The following WDR4 variants were observed in gnomAD, a reference collection of about 807,000 sequenced individuals.
The protein encoded by WDR4 is WDR4 tRNA N7-guanosine methyltransferase non-catalytic subunit.
A neutral mutation model predicts 48.6 loss-of-function variants in WDR4; 47 were observed. That is an observed-to-expected ratio of 0.97 (90% CI 0.77 to 1.23). The LOEUF (loss-of-function observed/expected upper bound fraction) is 1.23, where lower values mean the gene tolerates loss of function less well. WDR4 is among the 50% of genes most tolerant of loss of function. The pLI is 0.00. For missense variants in WDR4, 606 were observed against 551.6 expected (o/e 1.10, Z -0.99); for synonymous variants, 268 against 230.0 (o/e 1.17, Z -1.49).
In WDR4 at chr21:42,863,524, A is replaced by C; in HGVS notation, c.369T>G (p.Ser123=). The C allele has an allele frequency of 6.2e-7, 1 of 1,613,970 alleles. No individual in the cohort carries two copies. Among genetic ancestry groups the C allele is most frequent in the South Asian group, 1.1e-5 (1 of 91,058 alleles). The change falls in exon 4 of 11, where the codon TCT becomes TCG. Residue 123 remains serine, a synonymous_variant. Transcript: ENST00000398208. ...GCACCGAAAAGGAGTAGACGTCTCC[A>C]GACTTGTCGGCCACCAAGACCTTCT... is the stretch of plus-strand genomic sequence containing the variant. The part of the protein sequence containing the change: ...SEEKVLVADK[S]GDVYSFSVLE...
upstream of WDR4, among the ~76,000 whole-genome samples, chr21:42,881,069 C>A (rs1193765719): frequency 6.6e-6 from 1 of 152,062 alleles, no homozygotes. Flanking sequence ...CCACGCCTGG[C>A]TAATTTTTTG....
intron 3 of WDR4, among the ~76,000 whole-genome samples, chr21:42,872,450 A>G (rs564459367): frequency 1.4e-4 from 22 of 151,962 alleles, no homozygotes; most frequent in African/African-American, 5.3e-4. Context: ...TCTCCAGCAA[A>G]AAATACAAAA....
chr21:42,882,489 G>C (rs2058615938), upstream of WDR4, among the ~76,000 whole-genome samples: 2 of 151,760 alleles, frequency 1.3e-5, no homozygotes, highest in African/African-American at 4.8e-5. Context: ...CTAGAACCCA[G>C]GAGGTGGAGG....
chr21:42,892,749 C>T, the WDR4 span, among the ~76,000 whole-genome samples: 1 of 152,340 alleles, frequency 6.6e-6, no homozygotes, highest in South Asian at 2.1e-4. Context: ...ATCGGCCTAA[C>T]TCTGGTATTA....
In WDR4 at chr21:42,862,519, A is replaced by C. The variant is rs1383928797; in HGVS notation, c.454-125T>G. ...AAGAGGATGAGGCCTTCGAGGACAG[A>C]CCAGCGTGGCTCCTCCCCTCCTCCC... On this transcript the variant is annotated intron_variant, in intron 4 of 10. Transcript: ENST00000398208. The surrounding 1 kb of genome is among the most constrained non-coding windows in gnomAD (Gnocchi z 4.3). 16 of 811,116 alleles carry C rather than the reference A, an allele frequency of 2.0e-5. No individual in the cohort carries two copies. The highest frequency in any genetic ancestry group is 3.1e-5 in the Non-Finnish European group (16 of 512,082). 50.2% of individuals were successfully genotyped at this position (811,116 alleles called of 1,614,324 possible).
rs749105000 is a variant in WDR4, at chr21:42,879,491, G to C, written c.5C>G (p.Ala2Gly). 6.2e-7 allele frequency: 1 copy of C among 1,613,114 alleles called. No homozygotes were observed. Among genetic ancestry groups the C allele is most frequent in the South Asian group, 1.1e-5 (1 of 91,032 alleles). The part of the protein sequence containing the change: M[A>G]GSVGLALCGQ... The stretch of plus-strand genomic sequence containing the variant: ...GCACAACGCCAGTCCCACAGAGCCC[G>C]CCATGTACCCGCCCGCCTCACCGCC... Residue 2 changes from alanine to glycine, a missense_variant, in exon 1 of 11, where the codon GCG becomes GGG. Ala to Gly is a moderately conservative substitution (Grantham distance 60). Coordinates refer to ENST00000398208, the MANE Select transcript of WDR4 (RefSeq NM_018669.6).
In WDR4 at chr21:42,862,497, A is replaced by T. The variant is rs2058142388; in HGVS notation, c.454-103T>A. 5.7e-6 allele frequency: 6 copies of T among 1,058,402 alleles called. No homozygotes were observed. In the Admixed American group the frequency reaches 8.5e-5, roughly 15 times the overall value. 65.6% of individuals were successfully genotyped at this position (1,058,402 alleles called of 1,614,324 possible). A position where few individuals can be genotyped will look rare whatever the true frequency, so the allele number is the denominator to read the frequency against. On this transcript the variant is annotated intron_variant, in intron 4 of 10. Coordinates refer to ENST00000398208, the MANE Select transcript of WDR4 (RefSeq NM_018669.6). The surrounding 1 kb of genome is among the most constrained non-coding windows in gnomAD (Gnocchi z 4.3). The stretch of plus-strand genomic sequence containing the variant: ...GGGAAGCTGCAGCCTGGCCGCCAAG[A>T]GGATGAGGCCTTCGAGGACAGACCA...
At chr21:42,868,397 G>A (rs1025376434) in intron 3 of WDR4, among the ~76,000 whole-genome samples, 11 of 152,148 alleles carry the variant, frequency 7.2e-5, no homozygotes, top group African/African-American at 1.4e-4. Flanking sequence ...CTTCACAGCC[G>A]CAGCACTGTC....
At chr21:42,856,777 G>A (rs1042387377) in intron 6 of WDR4, among the ~76,000 whole-genome samples, 3 of 151,898 alleles carry the variant, frequency 2.0e-5, no homozygotes, top group African/African-American at 4.8e-5. Context: ...ACACACACAC[G>A]CATGCACATA....
intron 1 of WDR4, chr21:42,879,161 C>T: frequency 7.7e-7 from 1 of 1,305,568 alleles, no homozygotes; most frequent in African/African-American, 1.5e-5. Context: ...GCAGACCAGC[C>T]ATCTAGTGCA....
the WDR4 span, among the ~76,000 whole-genome samples, chr21:42,891,920 G>A: frequency 3.3e-5 from 5 of 150,632 alleles, no homozygotes; most frequent in Admixed American, 3.3e-4. Flanking sequence ...TTGTGCCACT[G>A]TACTCCAGCC....
chr21:42,863,386 A>C, intron 4 of WDR4, 54 bp downstream of exon 4: 1 of 1,568,086 alleles, frequency 6.4e-7, no homozygotes. Flanking sequence ...CACGTCCCCC[A>C]TGTACCGTGT....
chr21:42,872,438 T>C (rs2058391872), intron 3 of WDR4, among the ~76,000 whole-genome samples: 1 of 151,516 alleles, frequency 6.6e-6, no homozygotes, highest in South Asian at 2.1e-4. Flanking sequence ...GGTGAAACTC[T>C]GTCTCCAGCA....
chr21:42,879,717 C>G (rs1361239653), upstream of WDR4: 3 of 542,800 alleles, frequency 5.5e-6, no homozygotes, highest in Non-Finnish European at 9.9e-6. Flanking sequence ...AGTTCACTCA[C>G]CAAGGTGATC....
At chr21:42,873,219 T>C (rs951027930) in intron 3 of WDR4, among the ~76,000 whole-genome samples, 2 of 152,188 alleles carry the variant, frequency 1.3e-5, no homozygotes, top group Admixed American at 6.5e-5. Context: ...GACAGAGGAC[T>C]GCCCTGGAAA....
upstream of WDR4, among the ~76,000 whole-genome samples, chr21:42,882,001 A>G (rs1046801987): frequency 1.3e-5 from 2 of 151,660 alleles, no homozygotes; most frequent in East Asian, 3.9e-4. Context: ...GGGTTTCACC[A>G]TGTTGGCCAG....
At chr21:42,876,048 T>A (rs1038512970) in intron 2 of WDR4, among the ~76,000 whole-genome samples, 1 of 148,518 alleles carries the variant, frequency 6.7e-6, no homozygotes, top group Non-Finnish European at 1.5e-5. Flanking sequence ...GCCTCCCAAG[T>A]AGCTGGGACT....
chr21:42,846,898 T>C (rs745913777), downstream of WDR4, among the ~76,000 whole-genome samples: 25 of 152,080 alleles, frequency 1.6e-4, no homozygotes, highest in Non-Finnish European at 3.1e-4. Flanking sequence ...GGCAGGAGCC[T>C]GTAATCCAGC....
chr21:42,851,491 T>C (rs2057825924), intron 10 of WDR4, among the ~76,000 whole-genome samples: 1 of 152,206 alleles, frequency 6.6e-6, no homozygotes, highest in African/African-American at 2.4e-5. Context: ...CAGTGCTCAC[T>C]GCAGTGGGGT....
Sources: gnomAD v4.1 joint callset for allele counts (sites outside exome capture counted in the v4.1 genomes callset) on GRCh38, gnomAD v4.1.1 for gene constraint, Gnocchi (gnomAD v3.1) non-coding constraint, MANE v1.5 for transcripts, NCBI Gene and HGNC (gene_info 2026-07-23, HGNC 2026-07-21) for gene names.